Variants in RAB5A observed in about 807,000 individuals in gnomAD.
RAB5A encodes RAB5A, member RAS oncogene family, also known as ras-related protein Rab-5A.
RAB5A carries 8 observed loss-of-function variants against 25.7 expected under a neutral mutation model. The observed-to-expected ratio is 0.31, with a 90% CI of 0.18 to 0.56. The LOEUF (loss-of-function observed/expected upper bound fraction) is 0.56, where lower values mean the gene tolerates loss of function less well. RAB5A is among the 20% of genes least tolerant of loss of function. The probability of loss-of-function intolerance (pLI) is 0.91; values close to 1 mark genes in which losing one functional copy is unlikely to be tolerated. For missense variants in RAB5A, 192 were observed against 259.7 expected (o/e 0.74, Z 1.79); for synonymous variants, 98 against 89.8 (o/e 1.09, Z -0.52).
chr3:19,983,904 A>T lies in RAB5A; in HGVS notation c.*81A>T, dbSNP rs1232353110. Reference sequence around the variant, plus strand: ...TGGAATTGGAGCATTTAACCAGCCCAGTATGACTTCCAAAAGAAGAGACTT... The same window carrying T: ...TGGAATTGGAGCATTTAACCAGCCCTGTATGACTTCCAAAAGAAGAGACTT... On this transcript the variant is annotated 3_prime_UTR_variant, in exon 6 of 6. Coordinates refer to ENST00000273047, the MANE Select transcript of RAB5A (RefSeq NM_004162.5). The T allele has an allele frequency of 5.7e-5, 52 of 908,250 alleles. No individual in the cohort carries two copies. Among genetic ancestry groups the T allele is most frequent in the Non-Finnish European group, 3.4e-6 (2 of 585,418 alleles). 56.3% of individuals were successfully genotyped at this position (908,250 alleles called of 1,614,324 possible).
chr3:19,971,920 A>G (rs1246808725), intron 2 of RAB5A, among the ~76,000 whole-genome samples: 1 of 152,120 alleles, frequency 6.6e-6, no homozygotes, highest in Non-Finnish European at 1.5e-5. Context: ...AGTAGCCTCT[A>G]AATGGTTCCA....
At chr3:19,970,485 G>T (rs1004139573) in intron 2 of RAB5A, 1 of 453,280 alleles carries the variant, frequency 2.2e-6, no homozygotes, top group Admixed American at 2.4e-5. Context: ...GAGCCTATCA[G>T]ACAGGCCAGC....
At chr3:19,975,580 A>G (rs764495920) in intron 2 of RAB5A, 21 bp from the exon 3 acceptor site, 1 of 1,607,480 alleles carries the variant, frequency 6.2e-7, no homozygotes, top group Non-Finnish European at 8.5e-7. Flanking sequence ...TGATTGACTT[A>G]TTGTAGTCCT....
chr3:19,976,294 C>A, intron 4 of RAB5A, 125 bp downstream of exon 4: 1 of 1,097,176 alleles, frequency 9.1e-7, no homozygotes, highest in Non-Finnish European at 1.3e-6. Flanking sequence ...ATTTTTAAAA[C>A]AAATATAAAG....
chr3:19,961,918 C>T (rs1696591132), intron 2 of RAB5A, among the ~76,000 whole-genome samples: 2 of 152,208 alleles, frequency 1.3e-5, no homozygotes, highest in Non-Finnish European at 2.9e-5. Flanking sequence ...ACACAAATGA[C>T]TCCTCCAAAA....
chr3:19,971,641 G>A (rs1696753973), intron 2 of RAB5A, among the ~76,000 whole-genome samples: 1 of 152,038 alleles, frequency 6.6e-6, no homozygotes, highest in East Asian at 2.0e-4. Flanking sequence ...CTGGCTAATT[G>A]TTTTTGTATT....
At chr3:19,981,537 C>A (rs1034063156) in intron 5 of RAB5A, among the ~76,000 whole-genome samples, 2 of 151,948 alleles carry the variant, frequency 1.3e-5, no homozygotes, top group Non-Finnish European at 2.9e-5. Flanking sequence ...TTGCTTGAAC[C>A]CAGGAGGCAG....
At chr3:19,981,170 T>C (rs1052103642) in intron 5 of RAB5A, among the ~76,000 whole-genome samples, 2 of 152,202 alleles carry the variant, frequency 1.3e-5, no homozygotes, top group Admixed American at 6.5e-5. Context: ...AAGGATCTTA[T>C]GTATTAAAAC....
chr3:19,948,328 C>G (rs955469980), intron 1 of RAB5A, among the ~76,000 whole-genome samples: 4 of 152,276 alleles, frequency 2.6e-5, no homozygotes, highest in Non-Finnish European at 2.9e-5. Context: ...GAAAAAAACA[C>G]TTGTACACCT....
intron 2 of RAB5A, among the ~76,000 whole-genome samples, chr3:19,951,705 T>TTTTC (rs1696426664): frequency 6.9e-6 from 1 of 145,010 alleles, no homozygotes; most frequent in Non-Finnish European, 1.5e-5. Context: ...AGGCAAGTTT[T>TTTTC]TTTTTTTTTT....
chr3:19,948,005 C>T (rs1289338801), intron 1 of RAB5A: 1 of 152,222 alleles, frequency 6.6e-6, no homozygotes, highest in Non-Finnish European at 1.5e-5. Context: ...GTGGGGAGCT[C>T]CGCCTATCTT....
At chr3:19,958,253 T>C (rs1426898659) in intron 2 of RAB5A, among the ~76,000 whole-genome samples, 1 of 152,218 alleles carries the variant, frequency 6.6e-6, no homozygotes, top group Admixed American at 6.5e-5. Flanking sequence ...AAAATAATAA[T>C]ATCTTTGTTC....
intron 5 of RAB5A, among the ~76,000 whole-genome samples, chr3:19,982,654 G>T (rs1395787935): frequency 3.3e-5 from 5 of 151,856 alleles, no homozygotes; most frequent in Non-Finnish European, 7.4e-5. Context: ...TTCAAGACCA[G>T]CCTAGGCAAC....
At chr3:19,965,279 G>A (rs1193648433) in intron 2 of RAB5A, among the ~76,000 whole-genome samples, 8 of 152,190 alleles carry the variant, frequency 5.3e-5, no homozygotes, top group South Asian at 4.1e-4. Context: ...AGTGTTAGCC[G>A]GGTGTGGTTG....
At chr3:19,950,717 A>C (rs994934469) in intron 1 of RAB5A, 89 bp from the exon 2 acceptor site, 1 of 550,096 alleles carries the variant, frequency 1.8e-6, no homozygotes, top group African/African-American at 1.9e-5. Context: ...AGAGTTTAAG[A>C]TAATCATGCT....
rs778569681 is a variant in RAB5A, at chr3:19,983,709, T to C, written c.534T>C (p.Ala178=). 1.6e-5 allele frequency: 25 copies of C among 1,590,916 alleles called. No individual in the cohort carries two copies. In the Admixed American group the frequency reaches 4.2e-4, roughly 27 times the overall value. ...ATTTATTTGATCATTTTCTTTCAGCTAAAAAATTGCCAAAGAATGAACCAC... is the reference window on the plus strand; with the variant it reads ...ATTTATTTGATCATTTTCTTTCAGCCAAAAAATTGCCAAAGAATGAACCAC... ...MNVNEIFMAI[A]KKLPKNEPQN... The change falls in exon 6 of 6, where the codon GCT becomes GCC. Residue 178 remains alanine (A), a splice_region_variant and synonymous_variant. Transcript: ENST00000273047.
At chr3:19,952,524 A>G (rs1271591454) in intron 2 of RAB5A, among the ~76,000 whole-genome samples, 1 of 152,226 alleles carries the variant, frequency 6.6e-6, no homozygotes, top group Non-Finnish European at 1.5e-5. Context: ...TCTTCTGCAA[A>G]TATACTTGAG....
At chr3:19,964,704 C>T (rs1472911694) in intron 2 of RAB5A, among the ~76,000 whole-genome samples, 1 of 152,160 alleles carries the variant, frequency 6.6e-6, no homozygotes, top group East Asian at 1.9e-4. Context: ...ACCTCTGCCT[C>T]CCTGGTTCAA....
rs890860803 is a variant in RAB5A at position 19,959,078 on chromosome 3, T to C, written c.163+8017T>C. Among the ~76,000 whole-genome samples the C allele has an allele frequency of 2.6e-5, 4 of 152,230 alleles. No individual in the cohort carries two copies. In the East Asian group the frequency reaches 5.8e-4, roughly 22 times the overall value. ...GATTTGGAATCATTATGAGCATCAG[T>C]TTTTGCCTTGCCGTGCTTAATGTGT... On this transcript the variant is annotated intron_variant, in intron 2 of 5. Transcript: ENST00000273047.
Sources: allele counts gnomAD v4.1 joint callset (sites outside exome capture counted in the v4.1 genomes callset), GRCh38; gene constraint gnomAD v4.1.1; transcripts MANE v1.5; gene names NCBI Gene and HGNC (gene_info 2026-07-23, HGNC 2026-07-21).